The following HYCC1 variants were observed in gnomAD, a reference collection of about 807,000 sequenced individuals.
The protein encoded by HYCC1 is hyccin PI4KA lipid kinase complex subunit 1, also known as hyccin.
At chr7:22,979,837 A>G in the HYCC1 span, among the ~76,000 whole-genome samples, 1 of 152,226 alleles carries the variant, frequency 6.6e-6, no homozygotes, top group East Asian at 1.9e-4. Flanking sequence ...CGAAAATATA[A>G]CAAGACAGAT....
chr7:22,960,376 T>G, the HYCC1 span: 1 of 1,613,612 alleles, frequency 6.2e-7, no homozygotes, highest in South Asian at 1.1e-5. Flanking sequence ...TTAGATTTCA[T>G]GGGACCATGA....
the HYCC1 span, among the ~76,000 whole-genome samples, chr7:22,998,968 T>C: frequency 1.3e-5 from 2 of 152,184 alleles, no homozygotes; most frequent in Admixed American, 6.5e-5. Context: ...TCTACCTTCC[T>C]TTCACTCCTC....
At chr7:23,014,125 C>T in the HYCC1 span, 5 of 468,270 alleles carry the variant, frequency 1.1e-5, no homozygotes, top group South Asian at 6.2e-5. Context: ...TGCCGCCAGC[C>T]TCTCTGACAG....
At chr7:22,985,195 T>G in the HYCC1 span, among the ~76,000 whole-genome samples, 5 of 152,328 alleles carry the variant, frequency 3.3e-5, no homozygotes, top group East Asian at 7.7e-4. Flanking sequence ...TCCTTATATG[T>G]CTCATATCCT....
the HYCC1 span, among the ~76,000 whole-genome samples, chr7:22,900,644 G>C: frequency 6.6e-6 from 1 of 151,896 alleles, no homozygotes; most frequent in South Asian, 2.1e-4. Flanking sequence ...AAATCAAATA[G>C]ATAAATTAAA....
the HYCC1 span, among the ~76,000 whole-genome samples, chr7:22,903,333 C>A: frequency 6.6e-6 from 1 of 150,938 alleles, no homozygotes; most frequent in Non-Finnish European, 1.5e-5. Flanking sequence ...TGACAAACTT[C>A]TTGTAATGAA....
the HYCC1 span, among the ~76,000 whole-genome samples, chr7:22,980,085 G>C: frequency 2.0e-5 from 3 of 151,978 alleles, no homozygotes; most frequent in Non-Finnish European, 4.4e-5. Flanking sequence ...TGACTCACAA[G>C]GGTCAGACCT....
chr7:22,914,869 C>T, the HYCC1 span, among the ~76,000 whole-genome samples: 1 of 152,164 alleles, frequency 6.6e-6, no homozygotes, highest in Non-Finnish European at 1.5e-5. Flanking sequence ...ACCTCCCCTC[C>T]TTATACCTGG....
At chr7:22,950,931 CA>C in the HYCC1 span, among the ~76,000 whole-genome samples, 1 of 150,468 alleles carries the variant, frequency 6.6e-6, no homozygotes, top group Non-Finnish European at 1.5e-5. Context: ...TCAAATAATT[CA>C]AAAAGCTCAA....
the HYCC1 span, chr7:22,937,042 T>TAAACTAGAGGGG: frequency 1.3e-5 from 2 of 152,122 alleles, no homozygotes; most frequent in African/African-American, 4.8e-5. Flanking sequence ...ACAAAAGTCT[T>TAAACTAGAGGGG]AAACTAGAGG....
chr7:22,929,127 T>C, the HYCC1 span, among the ~76,000 whole-genome samples: 22 of 152,170 alleles, frequency 1.4e-4, no homozygotes, highest in African/African-American at 5.3e-4. Flanking sequence ...CTGGGAAAAC[T>C]GGCTAGCCAT....
At chr7:22,925,126 C>A in the HYCC1 span, among the ~76,000 whole-genome samples, 1 of 152,208 alleles carries the variant, frequency 6.6e-6, no homozygotes. Context: ...AGGGTCCTGA[C>A]TGTTAGAAGG....
chr7:22,986,929 T>C, the HYCC1 span, among the ~76,000 whole-genome samples: 1 of 152,154 alleles, frequency 6.6e-6, no homozygotes, highest in Non-Finnish European at 1.5e-5. Context: ...TTTTCAAAAA[T>C]GTAAGGAGGT....
chr7:23,008,572 T>C, the HYCC1 span, among the ~76,000 whole-genome samples: 1 of 152,032 alleles, frequency 6.6e-6, no homozygotes, highest in South Asian at 2.1e-4. Context: ...ACTGAAAATG[T>C]TTTGACAAAG....
the HYCC1 span, among the ~76,000 whole-genome samples, chr7:22,966,632 T>C: frequency 1.4e-4 from 22 of 152,206 alleles, no homozygotes; most frequent in Admixed American, 6.5e-4. Flanking sequence ...AGCCAATAGA[T>C]TGTAATTATT....
chr7:22,974,834 G>C, the HYCC1 span, among the ~76,000 whole-genome samples: 3 of 152,162 alleles, frequency 2.0e-5, no homozygotes, highest in Non-Finnish European at 4.4e-5. Flanking sequence ...CATGGGGTTG[G>C]GTTTTCCCAT....
chr7:22,958,172 G>A, the HYCC1 span, among the ~76,000 whole-genome samples: 1 of 151,998 alleles, frequency 6.6e-6, no homozygotes, highest in African/African-American at 2.4e-5. Context: ...AGGACCATGA[G>A]GATGGAAAAT....
the HYCC1 span, among the ~76,000 whole-genome samples, chr7:22,965,610 A>AC: frequency 6.6e-6 from 1 of 150,872 alleles, no homozygotes; most frequent in Non-Finnish European, 1.5e-5. Flanking sequence ...AAAAAAAAAA[A>AC]CAAAGAAATA....
chr7:22,996,727 A>G, the HYCC1 span, among the ~76,000 whole-genome samples: 1 of 152,100 alleles, frequency 6.6e-6, no homozygotes, highest in East Asian at 1.9e-4. Context: ...AAAATGATTT[A>G]AAAACTGTTT....
Sources: allele counts gnomAD v4.1 joint callset (sites outside exome capture counted in the v4.1 genomes callset), GRCh38; gene constraint gnomAD v4.1.1; transcripts MANE v1.5; gene names NCBI Gene and HGNC (gene_info 2026-07-23, HGNC 2026-07-21).